TMPRSS15: variants seen among roughly 807,000 people sequenced by gnomAD.
TMPRSS15 encodes the protein transmembrane serine protease 15, also known as enteropeptidase.
Under a neutral mutation model 125.3 loss-of-function variants are expected in TMPRSS15, and 128 were observed. The observed-to-expected ratio is 1.02, with a 90% CI of 0.89 to 1.18. The LOEUF (loss-of-function observed/expected upper bound fraction) is 1.18, where lower values mean the gene tolerates loss of function less well. Among genes scored for constraint, TMPRSS15 ranks in the 50% most tolerant of loss-of-function variants. The pLI, the probability that TMPRSS15 is intolerant of heterozygous loss-of-function variation, is 0.00. For synonymous variants in TMPRSS15, 446 were observed against 423.2 expected (o/e 1.05, Z -0.66); for missense variants, 1,283 against 1,212.7 (o/e 1.06, Z -0.86).
intron 18 of TMPRSS15, among the ~76,000 whole-genome samples, chr21:18,311,604 A>C (rs995698717): frequency 1.3e-5 from 2 of 152,148 alleles, no homozygotes; most frequent in Non-Finnish European, 2.9e-5. Flanking sequence ...TGGTGAAGAC[A>C]TGGAGGAAGA....
intron 1 of TMPRSS15, among the ~76,000 whole-genome samples, chr21:18,432,514 C>G (rs1319877720): frequency 6.6e-6 from 1 of 151,872 alleles, no homozygotes; most frequent in East Asian, 1.9e-4. Context: ...AGGGTGGGCT[C>G]CTAATCAAAT....
chr21:18,369,719 T>A (rs1308972079), intron 6 of TMPRSS15, among the ~76,000 whole-genome samples: 1 of 151,974 alleles, frequency 6.6e-6, no homozygotes, highest in African/African-American at 2.4e-5. Context: ...TTTTATAAAT[T>A]TTTCCATGAA....
chr21:18,387,466 C>T (rs1383825283), intron 3 of TMPRSS15, among the ~76,000 whole-genome samples: 1 of 152,078 alleles, frequency 6.6e-6, no homozygotes, highest in Non-Finnish European at 1.5e-5. Flanking sequence ...CATGTTGCCA[C>T]AAAGGGTAAA....
At chr21:18,364,155 A>T (rs1260554610) in intron 7 of TMPRSS15, among the ~76,000 whole-genome samples, 1 of 152,116 alleles carries the variant, frequency 6.6e-6, no homozygotes, top group African/African-American at 2.4e-5. Context: ...TTATATGTCA[A>T]TATAATGTAT....
intron 15 of TMPRSS15, among the ~76,000 whole-genome samples, chr21:18,328,752 T>C (rs1215182737): frequency 6.6e-6 from 1 of 152,068 alleles, no homozygotes; most frequent in Non-Finnish European, 1.5e-5. Context: ...TACTGCATAT[T>C]TAAAAATAAC....
chr21:18,315,366 A>C, intron 16 of TMPRSS15, 110 bp from the exon 17 acceptor site: 23 of 860,670 alleles, frequency 2.7e-5, no homozygotes, highest in Non-Finnish European at 4.1e-5. Flanking sequence ...GCCACAGCTC[A>C]AGGTGGAACC....
intron 1 of TMPRSS15, among the ~76,000 whole-genome samples, chr21:18,410,746 C>T (rs553552469): frequency 6.6e-6 from 1 of 152,036 alleles, no homozygotes; most frequent in East Asian, 1.9e-4. Context: ...TTTATAAAAT[C>T]GAATTATATT....
Position 18,379,326 on chromosome 21 carries a change from A to G in TMPRSS15, c.497-8T>C. On this transcript the variant is annotated splice_polypyrimidine_tract_variant and splice_region_variant and intron_variant, in intron 4 of 24. Transcript: ENST00000284885. ...TGGTGGTTGTTAGCTTGTCTGAAAA[A>G]TAAATTATATTAAAATAATTATTAC... 1 of 1,273,136 alleles carries G rather than the reference A, an allele frequency of 7.9e-7. No individual in the cohort carries two copies. Among genetic ancestry groups the G allele is most frequent in the Non-Finnish European group, 1.0e-6 (1 of 961,510 alleles). The allele number at this position is 1,273,136 out of a possible 1,614,324, so 78.9% of individuals were successfully genotyped here.
intron 1 of TMPRSS15, among the ~76,000 whole-genome samples, chr21:18,428,963 A>T (rs2076210345): frequency 6.6e-6 from 1 of 152,164 alleles, no homozygotes; most frequent in South Asian, 2.1e-4. Flanking sequence ...ATGCCAACTC[A>T]TGAAAGCAGC....
At chr21:18,355,787 T>C (rs1000375836) in intron 8 of TMPRSS15, among the ~76,000 whole-genome samples, 6 of 151,878 alleles carry the variant, frequency 4.0e-5, no homozygotes. Context: ...TTTGCTTCTC[T>C]ATCTCACCAA....
intron 3 of TMPRSS15, among the ~76,000 whole-genome samples, chr21:18,393,786 C>G (rs2076009889): frequency 1.3e-5 from 2 of 152,068 alleles, no homozygotes; most frequent in South Asian, 4.1e-4. Flanking sequence ...GTCACTTAAC[C>G]CAAAGGTGCC....
intron 24 of TMPRSS15, 69 bp from the exon 25 acceptor site, chr21:18,270,193 GT>G: frequency 2.3e-6 from 3 of 1,315,326 alleles, no homozygotes; most frequent in South Asian, 1.4e-5. Flanking sequence ...AAAATTATTT[GT>G]ATCAAATAAA....
At chr21:18,292,080 T>C (rs1203649180) in intron 21 of TMPRSS15, among the ~76,000 whole-genome samples, 2 of 152,230 alleles carry the variant, frequency 1.3e-5, no homozygotes, top group Non-Finnish European at 2.9e-5. Flanking sequence ...AAAGTCCAAA[T>C]GTATCAACAC....
intron 8 of TMPRSS15, among the ~76,000 whole-genome samples, chr21:18,355,422 T>G (rs944832150): frequency 4.6e-5 from 7 of 151,848 alleles, no homozygotes; most frequent in Admixed American, 3.9e-4. Flanking sequence ...TTAACCTGCT[T>G]CAGAGATACA....
chr21:18,399,024 A>G (rs2076069439), intron 1 of TMPRSS15, among the ~76,000 whole-genome samples: 5 of 152,162 alleles, frequency 3.3e-5, no homozygotes, highest in Admixed American at 3.3e-4. Context: ...TGTGTCATTA[A>G]GTCCTACATA....
In TMPRSS15 at chr21:18,294,448, T is replaced by C. The variant is rs1363932173; in HGVS notation, c.2312-4A>G. 5 of 1,614,230 alleles carry C rather than the reference T, an allele frequency of 3.1e-6. No homozygotes were observed. The South Asian group carries it at 4.4e-5, about 14-fold the overall frequency. The stretch of plus-strand genomic sequence containing the variant: ...GCTGCCAGTTTTTTTCCACAAGCTA[T>C]TAAAATAATTGGAGAAAGAGCATCT... On this transcript the variant is annotated splice_polypyrimidine_tract_variant and splice_region_variant and intron_variant, in intron 20 of 24. Transcript: ENST00000284885.
intron 1 of TMPRSS15, among the ~76,000 whole-genome samples, chr21:18,440,381 A>AAAAAAAAAAAAG (rs2076238653): frequency 7.2e-6 from 1 of 138,338 alleles, no homozygotes. Flanking sequence ...TCAAAAAAAA[A>AAAAAAAAAAAAG]AAAAAAAAGA....
upstream of TMPRSS15, among the ~76,000 whole-genome samples, chr21:18,408,242 A>G (rs1356175669): frequency 1.3e-5 from 2 of 152,212 alleles, no homozygotes; most frequent in African/African-American, 4.8e-5. Context: ...AGCAGTAGAA[A>G]TTGCAGAGTT....
chr21:18,338,738 GAA>G (rs879879090), intron 13 of TMPRSS15, among the ~76,000 whole-genome samples: 2 of 94,316 alleles, frequency 2.1e-5, no homozygotes, highest in Non-Finnish European at 2.1e-5. Flanking sequence ...TAAAGAGAGA[GAA>G]AGAGAGAGAG....
Sources: gnomAD v4.1 joint callset for allele counts (sites outside exome capture counted in the v4.1 genomes callset) on GRCh38, gnomAD v4.1.1 for gene constraint, MANE v1.5 for transcripts, NCBI Gene and HGNC (gene_info 2026-07-23, HGNC 2026-07-21) for gene names.